The following RBFOX1 variants were observed in gnomAD, a reference collection of about 807,000 sequenced individuals.
The protein encoded by RBFOX1 is RNA binding protein fox-1 homolog 1.
RBFOX1 carries 8 observed loss-of-function variants against 57.7 expected under a neutral mutation model. The observed-to-expected ratio is 0.14, with a 90% CI of 0.08 to 0.25. The LOEUF is 0.25. Among genes scored for constraint, RBFOX1 ranks in the 10% least tolerant of loss-of-function variants. The pLI is 1.00. For synonymous variants in RBFOX1, 326 were observed against 222.4 expected, an observed-to-expected ratio of 1.47 and a Z score of -4.15; for missense variants, 611 against 548.5, an observed-to-expected ratio of 1.11 and a Z score of -1.14.
At chr16:6,905,202 T>G (rs965618200) in intron 3 of RBFOX1, among the ~76,000 whole-genome samples, 4 of 152,054 alleles carry the variant, frequency 2.6e-5, no homozygotes, top group African/African-American at 9.7e-5. Context: ...CAATAACACT[T>G]GTTCCTTAGC....
In RBFOX1 at chr16:7,515,298, TGTAA is replaced by T. The variant is rs199705061; in HGVS notation, c.28-2844_28-2841del. On this transcript the variant is annotated intron_variant, in intron 4 of 15. Coordinates refer to ENST00000550418, the MANE Select transcript of RBFOX1 (RefSeq NM_018723.4). ...TTTAATTAGTCAAGACCCTTTTGGTTGTAAGTAACAGAAAAAGTAGCTTAAAAAA... is the reference window on the plus strand; with the variant it reads ...TTTAATTAGTCAAGACCCTTTTGGTTGTAACAGAAAAAGTAGCTTAAAAAA... Among the ~76,000 whole-genome samples, 979 of 151,928 alleles carry T rather than the reference TGTAA, an allele frequency of 6.4e-3. 9 individuals carry two copies. Among genetic ancestry groups the T allele is most frequent in the African/African-American group, 0.022 (925 of 41,396 alleles).
At position 7,099,684 on chromosome 16, in the gene RBFOX1, T is replaced by C. The variant is rs184018026; in HGVS notation, c.27+47586T>C. On this transcript the variant is annotated intron_variant, in intron 4 of 15. Coordinates refer to ENST00000550418, the MANE Select transcript of RBFOX1 (RefSeq NM_018723.4). The stretch of plus-strand genomic sequence containing the variant: ...GACATGAGACATCAATCAATACATG[T>C]AAGATTTGCATTGGTTCTACCTGGA... Among the ~76,000 whole-genome samples the C allele has an allele frequency of 4.0e-3, 613 of 152,200 alleles. 6 individuals are homozygous for C. Among genetic ancestry groups the C allele is most frequent in the Non-Finnish European group, 4.9e-3 (332 of 67,986 alleles).
intron 4 of RBFOX1, among the ~76,000 whole-genome samples, chr16:7,498,665 G>A (rs866500041): frequency 6.6e-6 from 1 of 152,006 alleles, no homozygotes; most frequent in East Asian, 1.9e-4. Context: ...CTGAAATCTG[G>A]CGTGCAGTTG....
At chr16:6,450,672 G>C (rs2094570039) in intron 2 of RBFOX1, among the ~76,000 whole-genome samples, 1 of 143,900 alleles carries the variant, frequency 6.9e-6, no homozygotes, top group Non-Finnish European at 1.5e-5. Context: ...TTATGCTGCT[G>C]TATTGTGTTT....
intron 2 of RBFOX1, among the ~76,000 whole-genome samples, chr16:6,563,773 C>G (rs539712131): frequency 6.6e-6 from 1 of 151,938 alleles, no homozygotes; most frequent in Admixed American, 6.6e-5. Flanking sequence ...TTGCAGTGAG[C>G]TGAGACTGAG....
intron 4 of RBFOX1, among the ~76,000 whole-genome samples, chr16:7,061,542 G>A (rs1430871963): frequency 6.6e-6 from 1 of 151,916 alleles, no homozygotes; most frequent in Admixed American, 6.6e-5. Flanking sequence ...GTCTCCCCAG[G>A]CATTTGAACA....
At chr16:5,815,471 A>C (rs76853781) in intron 3 of RBFOX1, among the ~76,000 whole-genome samples, 3,237 of 152,156 alleles carry the variant, frequency 0.021, 142 homozygotes, top group African/African-American at 0.074. Flanking sequence ...GTGCTAAGAA[A>C]AGAGCCTGAA....
intron 3 of RBFOX1, among the ~76,000 whole-genome samples, chr16:6,797,692 A>G (rs890572641): frequency 1.3e-5 from 2 of 152,188 alleles, no homozygotes; most frequent in Non-Finnish European, 2.9e-5. Context: ...AAATTGGACC[A>G]TTCCAACTAT....
At chr16:6,426,252 C>G (rs1341948299) in intron 2 of RBFOX1, among the ~76,000 whole-genome samples, 1 of 150,984 alleles carries the variant, frequency 6.6e-6, no homozygotes, top group Non-Finnish European at 1.5e-5. Context: ...AAGGCAGGTT[C>G]AAAAACAGAT....
At chr16:6,807,786 A>C (rs1215702708) in intron 3 of RBFOX1, among the ~76,000 whole-genome samples, 1 of 152,040 alleles carries the variant, frequency 6.6e-6, no homozygotes, top group Non-Finnish European at 1.5e-5. Flanking sequence ...ACTGTACTCC[A>C]GCCTGGTGAC....
chr16:5,785,934 C>T (rs1018699997), intron 3 of RBFOX1, among the ~76,000 whole-genome samples: 2 of 152,118 alleles, frequency 1.3e-5, no homozygotes, highest in African/African-American at 4.8e-5. Flanking sequence ...ATTACTGAAA[C>T]CACCCCCCAT....
chr16:7,510,039 G>C (rs2074579551), intron 4 of RBFOX1: 1 of 525,754 alleles, frequency 1.9e-6, no homozygotes, highest in African/African-American at 2.1e-5. Flanking sequence ...GAGAGTAGGA[G>C]CCAGAGGAGG....
chr16:6,351,524 C>T (rs2086396558), intron 2 of RBFOX1, among the ~76,000 whole-genome samples: 1 of 151,724 alleles, frequency 6.6e-6, no homozygotes, highest in Middle Eastern at 3.4e-3. Context: ...CAGGCACCTG[C>T]CACCCTGCCC....
intron 2 of RBFOX1, among the ~76,000 whole-genome samples, chr16:6,493,486 A>G (rs2095682851): frequency 6.6e-6 from 1 of 152,130 alleles, no homozygotes; most frequent in Non-Finnish European, 1.5e-5. Flanking sequence ...TGTATACAGT[A>G]CTATTATTTT....
intron 4 of RBFOX1, among the ~76,000 whole-genome samples, chr16:7,473,411 GT>G (rs2061966679): frequency 1.4e-5 from 2 of 147,474 alleles, no homozygotes; most frequent in Admixed American, 1.4e-4. Flanking sequence ...TATATATAAT[GT>G]TATATATACA....
chr16:6,264,116 C>T (rs2097718378), intron 1 of RBFOX1, among the ~76,000 whole-genome samples: 1 of 152,182 alleles, frequency 6.6e-6, no homozygotes, highest in Admixed American at 6.5e-5. Context: ...TACACAACTT[C>T]TTCTACTGCC....
intron 1 of RBFOX1, among the ~76,000 whole-genome samples, chr16:5,397,541 C>T (rs2066595297): frequency 6.6e-6 from 1 of 152,098 alleles, no homozygotes; most frequent in South Asian, 2.1e-4. Flanking sequence ...CAGGGCCCTG[C>T]TAAAGACACT....
chr16:6,722,241 C>A (rs942550074), intron 3 of RBFOX1, among the ~76,000 whole-genome samples: 1 of 152,214 alleles, frequency 6.6e-6, no homozygotes, highest in Non-Finnish European at 1.5e-5. Context: ...TTCCAAGAGG[C>A]TAAACCGTTT....
chr16:6,628,080 C>A (rs867015085), intron 2 of RBFOX1, among the ~76,000 whole-genome samples: 2 of 152,186 alleles, frequency 1.3e-5, no homozygotes, highest in Non-Finnish European at 2.9e-5. Flanking sequence ...CAGCCAGGCT[C>A]CCTTCTCTGT....
Sources: allele counts gnomAD v4.1 joint callset (sites outside exome capture counted in the v4.1 genomes callset), GRCh38; gene constraint gnomAD v4.1.1; transcripts MANE v1.5; gene names NCBI Gene and HGNC (gene_info 2026-07-23, HGNC 2026-07-21).